PLEKHA5: variants seen among roughly 807,000 people sequenced by gnomAD.
The protein encoded by PLEKHA5 is pleckstrin homology domain-containing family A member 5.
In PLEKHA5, 55 loss-of-function variants were observed where a neutral mutation model predicts 181.9. The observed-to-expected ratio is 0.30, with a 90% CI of 0.24 to 0.38. The LOEUF (loss-of-function observed/expected upper bound fraction) is 0.38, where lower values mean the gene tolerates loss of function less well. Among genes scored for constraint, PLEKHA5 ranks in the 10% least tolerant of loss-of-function variants. The probability of loss-of-function intolerance (pLI) is 1.00; values close to 1 mark genes in which losing one functional copy is unlikely to be tolerated. For missense variants in PLEKHA5, 1,432 were observed against 1,549.5 expected (o/e 0.92, Z 1.27); for synonymous variants, 535 against 529.4 (o/e 1.01, Z -0.15).
In PLEKHA5 at chr12:19,140,730, T is replaced by A. The variant is rs549890947; in HGVS notation, c.227+8280T>A. Reference sequence around the variant, plus strand: ...TTTTTTCTTCTCATTTGTCATCTAGTCACAACCCTTGTTGTTGTAAAAGTC... The same window carrying A: ...TTTTTTCTTCTCATTTGTCATCTAGACACAACCCTTGTTGTTGTAAAAGTC... On this transcript the variant is annotated intron_variant, in intron 3 of 31. Transcript: ENST00000429027. 3.9e-5 allele frequency among the ~76,000 whole-genome samples: 6 copies of A among 152,294 alleles called. No homozygotes were observed. In the South Asian group the frequency reaches 1.2e-3, roughly 32 times the overall value.
chr12:19,132,722 GT>G (rs2034302381), intron 3 of PLEKHA5, among the ~76,000 whole-genome samples: 1 of 139,364 alleles, frequency 7.2e-6, no homozygotes, highest in African/African-American at 2.6e-5. Flanking sequence ...TTGTATCTTC[GT>G]TTTTTTCTTT....
At position 19,138,815 on chromosome 12, in the gene PLEKHA5, G is replaced by GGTTCT. The variant is rs1262126829; in HGVS notation, c.227+6368_227+6372dup. On this transcript the variant is annotated intron_variant, in intron 3 of 31. Coordinates refer to ENST00000429027, the MANE Select transcript of PLEKHA5 (RefSeq NM_001256470.2). ...AATACTAACTAGGCTTGTTAGTGAT[G>GGTTCT]GTTCTGTAGAAAATGCTAGGATGAT... Among the ~76,000 whole-genome samples the GGTTCT allele has an allele frequency of 4.6e-5, 7 of 152,230 alleles. No homozygotes were observed. In the East Asian group the frequency reaches 1.4e-3, roughly 29 times the overall value.
intron 3 of PLEKHA5, among the ~76,000 whole-genome samples, chr12:19,209,754 A>G (rs2056530686): frequency 6.6e-6 from 1 of 152,234 alleles, no homozygotes; most frequent in Non-Finnish European, 1.5e-5. Context: ...ACCAAAGATC[A>G]CAGCAACGAT....
Position 19,255,162 on chromosome 12 carries a change from C to A in PLEKHA5, c.429C>A (p.Gly143=). ...DYAVHPMSPV[G]RTSRASKKVH... Reference sequence around the variant, plus strand: ...CAGTGCATCCAATGAGCCCTGTAGGCAGAGTAAGTTATTTTGCTTTATATT... The same window carrying A: ...CAGTGCATCCAATGAGCCCTGTAGGAAGAGTAAGTTATTTTGCTTTATATT... The change falls in exon 5 of 32, where the codon GGC becomes GGA. Residue 143 remains glycine (G), a synonymous_variant. Coordinates refer to ENST00000429027, the MANE Select transcript of PLEKHA5 (RefSeq NM_001256470.2). 1.3e-6 allele frequency: 2 copies of A among 1,575,624 alleles called. No homozygotes were observed. Among genetic ancestry groups the A allele is most frequent in the Non-Finnish European group, 1.7e-6 (2 of 1,155,280 alleles).
intron 3 of PLEKHA5, among the ~76,000 whole-genome samples, chr12:19,231,451 C>T (rs1468313440): frequency 8.6e-6 from 1 of 115,962 alleles, no homozygotes; most frequent in East Asian, 2.3e-4. Flanking sequence ...AATTTTTGTC[C>T]ATTTTAAGAA....
intron 15 of PLEKHA5, among the ~76,000 whole-genome samples, chr12:19,313,984 A>G (rs558350235): frequency 6.6e-6 from 1 of 152,324 alleles, no homozygotes; most frequent in African/African-American, 2.4e-5. Flanking sequence ...AAAGATGAAA[A>G]TTAAGCGTTA....
chr12:19,349,511 A>G (rs774962926), intron 25 of PLEKHA5, among the ~76,000 whole-genome samples: 1 of 152,096 alleles, frequency 6.6e-6, no homozygotes, highest in Non-Finnish European at 1.5e-5. Flanking sequence ...TTCTAAAATA[A>G]TATTTCTGTA....
chr12:19,231,845 A>G (rs2060674732), intron 3 of PLEKHA5, among the ~76,000 whole-genome samples: 1 of 152,036 alleles, frequency 6.6e-6, no homozygotes, highest in Admixed American at 6.5e-5. Context: ...AAATTTTTCT[A>G]GAACTGTAGT....
intron 3 of PLEKHA5, among the ~76,000 whole-genome samples, chr12:19,216,499 C>G (rs1187120306): frequency 6.6e-6 from 1 of 151,998 alleles, no homozygotes; most frequent in South Asian, 2.1e-4. Flanking sequence ...CCCATCTCTA[C>G]TAAAAATACA....
chr12:19,155,876 A>G (rs1340151136), intron 3 of PLEKHA5, among the ~76,000 whole-genome samples: 1 of 152,318 alleles, frequency 6.6e-6, no homozygotes, highest in Non-Finnish European at 1.5e-5. Context: ...TGACTCTGAA[A>G]ATAACTCATC....
chr12:19,281,982 CTG>C (rs1291912583), intron 11 of PLEKHA5, among the ~76,000 whole-genome samples: 8 of 152,000 alleles, frequency 5.3e-5, no homozygotes, highest in South Asian at 2.1e-4. Context: ...CGGGGTTTCA[CTG>C]TGTTAGCCAG....
chr12:19,135,562 A>G (rs2035371294), intron 3 of PLEKHA5, among the ~76,000 whole-genome samples: 1 of 152,184 alleles, frequency 6.6e-6, no homozygotes, highest in African/African-American at 2.4e-5. Flanking sequence ...AGCTTTGGAT[A>G]GACAATCACA....
chr12:19,158,797 G>C (rs140163099), intron 3 of PLEKHA5, among the ~76,000 whole-genome samples: 125 of 152,226 alleles, frequency 8.2e-4, no homozygotes, highest in African/African-American at 2.9e-3. Context: ...GGATATACCA[G>C]CTTGCTTTAT....
intron 10 of PLEKHA5, among the ~76,000 whole-genome samples, chr12:19,274,166 T>C (rs2073895011): frequency 1.3e-5 from 2 of 152,262 alleles, no homozygotes; most frequent in Non-Finnish European, 2.9e-5. Flanking sequence ...ATGTGGCTCC[T>C]TTCAAGGGAC....
At chr12:19,143,606 TTA>T (rs1359125655) in intron 3 of PLEKHA5, among the ~76,000 whole-genome samples, 4 of 152,162 alleles carry the variant, frequency 2.6e-5, no homozygotes, top group East Asian at 3.8e-4. Context: ...GATGCATGTA[TTA>T]TATGTAATTA....
intron 3 of PLEKHA5, among the ~76,000 whole-genome samples, chr12:19,183,601 A>G (rs1157336746): frequency 2.6e-5 from 4 of 152,246 alleles, no homozygotes; most frequent in African/African-American, 7.2e-5. Context: ...TTGGGTTTCA[A>G]TGATTGAGTT....
chr12:19,338,576 C>T (rs2093635437), intron 21 of PLEKHA5, among the ~76,000 whole-genome samples: 1 of 151,520 alleles, frequency 6.6e-6, no homozygotes, highest in Non-Finnish European at 1.5e-5. Context: ...CAACTGTATG[C>T]CAGCCTGGGC....
chr12:19,283,497 G>A lies in PLEKHA5; in HGVS notation c.1531G>A (p.Glu511Lys), dbSNP rs575895771. The change falls in exon 12 of 32, where the codon GAA (glutamate) becomes AAA (lysine). Residue 511 changes from glutamate to lysine, a missense_variant. By Grantham distance (56) the Glu-to-Lys change is moderately conservative. This residue lies in a region of PLEKHA5 where 1,143 missense variants were observed against 1,168.4 expected (regional missense o/e 0.98). Transcript: ENST00000429027. ...MRDDTMWQLY[E>K]WQQRQFYNKQ... ...AGATGACACAATGTGGCAGCTCTAC[G>A]AATGGCAGCAGCGTCAGTTTTATAA... is the stretch of plus-strand genomic sequence containing the variant. 1.8e-5 allele frequency: 29 copies of A among 1,614,110 alleles called. No homozygotes were observed. Among genetic ancestry groups the A allele is most frequent in the South Asian group, 8.8e-5 (8 of 91,068 alleles).
At chr12:19,260,494 A>G (rs2068139395) in intron 6 of PLEKHA5, among the ~76,000 whole-genome samples, 1 of 152,132 alleles carries the variant, frequency 6.6e-6, no homozygotes, top group African/African-American at 2.4e-5. Context: ...CTACCTCCAA[A>G]TTTTTAATTG....
Sources: allele counts gnomAD v4.1 joint callset (sites outside exome capture counted in the v4.1 genomes callset), GRCh38; gene constraint gnomAD v4.1.1; regional missense constraint gnomAD v4.1.1; transcripts MANE v1.5; gene names NCBI Gene and HGNC (gene_info 2026-07-23, HGNC 2026-07-21).